KCNU1: variants seen among roughly 807,000 people sequenced by gnomAD.
KCNU1 encodes potassium calcium-activated channel subfamily U member 1.
Under a neutral mutation model 126.8 loss-of-function variants are expected in KCNU1, and 93 were observed. The ratio of observed to expected loss-of-function variants is 0.73; its 90% CI spans 0.62 to 0.87. The LOEUF (loss-of-function observed/expected upper bound fraction) is 0.87. KCNU1 is among the 40% of genes least tolerant of loss of function. The pLI is 0.00. For synonymous variants in KCNU1, 523 were observed against 494.2 expected (o/e 1.06, Z -0.77); for missense variants, 1,330 against 1,367.1 (o/e 0.97, Z 0.43).
rs369710713 is a variant in KCNU1, at chr8:36,900,575, AT to A, written c.2010-5125del. The stretch of plus-strand genomic sequence containing the variant: ...CCCTTACATTCCCCAATTTTAGGTG[AT>A]TTTTTTTCCCCATAACATACAGAAG... On this transcript the variant is annotated intron_variant, in intron 19 of 26. Coordinates refer to ENST00000399881, the MANE Select transcript of KCNU1 (RefSeq NM_001031836.3). Among the ~76,000 whole-genome samples the A allele has an allele frequency of 5.9e-5, 9 of 151,972 alleles. No homozygotes were observed. The East Asian group carries it at 7.8e-4, about 13-fold the overall frequency.
At chr8:36,860,651 G>A (rs1805695492) in intron 18 of KCNU1, among the ~76,000 whole-genome samples, 1 of 152,144 alleles carries the variant, frequency 6.6e-6, no homozygotes, top group Non-Finnish European at 1.5e-5. Context: ...TGGGCAATAT[G>A]AAAATAGCCC....
intron 19 of KCNU1, among the ~76,000 whole-genome samples, chr8:36,881,249 T>A (rs960336678): frequency 6.6e-6 from 1 of 152,192 alleles, no homozygotes. Flanking sequence ...TTTGTTTGTT[T>A]GTTTTTGTTT....
At chr8:36,864,276 A>G in intron 18 of KCNU1, 128 bp from the exon 19 acceptor site, 1 of 665,696 alleles carries the variant, frequency 1.5e-6, no homozygotes. Flanking sequence ...TCTTAGAACT[A>G]GGCTGTAGCT....
At chr8:36,823,871 C>G (rs1384712240) in intron 10 of KCNU1, among the ~76,000 whole-genome samples, 1 of 128,418 alleles carries the variant, frequency 7.8e-6, no homozygotes, top group East Asian at 2.4e-4. Flanking sequence ...GAGTTTTGCT[C>G]TTATTGCCCA....
At position 36,935,514 on chromosome 8, in the gene KCNU1, G is replaced by T; in HGVS notation, c.3045-1G>T. 1 of 1,589,332 alleles carries T rather than the reference G, an allele frequency of 6.3e-7. No homozygotes were observed. The highest frequency in any genetic ancestry group is 8.6e-7 in the Non-Finnish European group (1 of 1,166,506). On this transcript the variant is annotated splice_acceptor_variant, in intron 26 of 26. Coordinates refer to ENST00000399881, the MANE Select transcript of KCNU1 (RefSeq NM_001031836.3). LOFTEE classifies it high-confidence loss of function. ...GCATTTATCTTTGACTTGTCTTACA[G>T]GTTTGTGATCACCCGGCCAGCCAAT...
intron 1 of KCNU1, among the ~76,000 whole-genome samples, chr8:36,785,024 C>T (rs897105372): frequency 5.9e-5 from 9 of 152,216 alleles, no homozygotes; most frequent in African/African-American, 1.9e-4. Context: ...ATGCATAATG[C>T]ATATGTACTG....
intron 26 of KCNU1, 137 bp downstream of exon 26, chr8:36,933,169 T>C: frequency 1.7e-6 from 1 of 597,626 alleles, no homozygotes. Flanking sequence ...TAAAAAACTA[T>C]GTAAGAATAA....
At chr8:36,805,612 T>C (rs1400943256) in intron 4 of KCNU1, among the ~76,000 whole-genome samples, 1 of 152,180 alleles carries the variant, frequency 6.6e-6, no homozygotes, top group African/African-American at 2.4e-5. Flanking sequence ...TCTCTGGAGA[T>C]GTCCTTAGCT....
intron 19 of KCNU1, among the ~76,000 whole-genome samples, chr8:36,872,037 A>T (rs1439971992): frequency 6.6e-6 from 1 of 152,140 alleles, no homozygotes; most frequent in Non-Finnish European, 1.5e-5. Context: ...AGAAAAAAAA[A>T]TGTGAAGTAG....
rs1020133305 is a variant in KCNU1, at chr8:36,905,573, T to C, written c.2010-135T>C. 16 of 647,484 alleles carry C rather than the reference T, an allele frequency of 2.5e-5. No individual in the cohort carries two copies. In the African/African-American group the frequency reaches 2.9e-4, roughly 12 times the overall value. 40.1% of individuals were successfully genotyped at this position (647,484 alleles called of 1,614,324 possible). Reference sequence around the variant, plus strand: ...TCAGACCTAAGCCTTTATTCTAGAGTCTTACAGACCTGAGGTCATTCTACT... The same window carrying C: ...TCAGACCTAAGCCTTTATTCTAGAGCCTTACAGACCTGAGGTCATTCTACT... On this transcript the variant is annotated intron_variant, in intron 19 of 26. Transcript: ENST00000399881.
chr8:36,793,536 G>A (rs1259463313), intron 2 of KCNU1, among the ~76,000 whole-genome samples: 2 of 151,976 alleles, frequency 1.3e-5, no homozygotes. Context: ...TGAGGCAGAT[G>A]TCAAGAAATT....
intron 18 of KCNU1, among the ~76,000 whole-genome samples, chr8:36,860,828 A>G (rs1805702449): frequency 6.6e-6 from 1 of 152,202 alleles, no homozygotes; most frequent in South Asian, 2.1e-4. Flanking sequence ...CAGGAAAAAA[A>G]ATGACAAGAA....
intron 2 of KCNU1, among the ~76,000 whole-genome samples, chr8:36,802,914 A>G (rs1199543237): frequency 6.6e-6 from 1 of 152,180 alleles, no homozygotes; most frequent in East Asian, 1.9e-4. Flanking sequence ...AAGAGGAGCT[A>G]GAGAAATGTT....
At chr8:36,879,991 G>A (rs1007068567) in intron 19 of KCNU1, among the ~76,000 whole-genome samples, 1 of 152,208 alleles carries the variant, frequency 6.6e-6, no homozygotes, top group African/African-American at 2.4e-5. Context: ...AACTCTGGCA[G>A]GATGTACTGC....
intron 2 of KCNU1, 28 bp from the exon 3 acceptor site, chr8:36,803,999 G>A: frequency 6.8e-7 from 1 of 1,463,170 alleles, no homozygotes; most frequent in Non-Finnish European, 9.4e-7. Context: ...AGTGGATTTA[G>A]ACATTTGTCC....
intron 7 of KCNU1, among the ~76,000 whole-genome samples, 173 bp from the exon 8 acceptor site, chr8:36,814,034 C>T (rs150140055): frequency 3.2e-4 from 49 of 152,236 alleles, no homozygotes; most frequent in African/African-American, 1.1e-3. Flanking sequence ...ACACTCACTA[C>T]CCATGATTTA....
chr8:36,929,133 G>A (rs1808620250), intron 24 of KCNU1: 7 of 609,400 alleles, frequency 1.1e-5, no homozygotes, highest in South Asian at 1.1e-4. Context: ...TGTAATCCCA[G>A]CACTTTGGGA....
intron 2 of KCNU1, chr8:36,795,991 T>A (rs570529548): frequency 1.3e-5 from 2 of 152,372 alleles, no homozygotes; most frequent in South Asian, 2.1e-4. Flanking sequence ...ATTTTCCAGC[T>A]TCTTGAGTTG....
Position 36,834,770 on chromosome 8 carries a change from C to T in KCNU1, c.1213-16C>T, listed in dbSNP as rs74474848. 846 of 1,572,704 alleles carry T rather than the reference C, an allele frequency of 5.4e-4. 1 individual carries two copies. The highest frequency in any genetic ancestry group is 8.3e-4 in the Middle Eastern group (5 of 5,990). ...TGTAATTAACAAGATGGCTCCTGTC[C>T]GATCTTGAAGGGTAGGTGGAATCTG... is the stretch of plus-strand genomic sequence containing the variant. On this transcript the variant is annotated splice_polypyrimidine_tract_variant and intron_variant, in intron 11 of 26. Transcript: ENST00000399881.
Sources: gnomAD v4.1 joint callset for allele counts (sites outside exome capture counted in the v4.1 genomes callset) on GRCh38, gnomAD v4.1.1 for gene constraint, MANE v1.5 for transcripts, NCBI Gene and HGNC (gene_info 2026-07-23, HGNC 2026-07-21) for gene names.